NEDD1: variants seen among roughly 807,000 people sequenced by gnomAD.
NEDD1 encodes NEDD1 gamma-tubulin ring complex targeting factor, also known as protein NEDD1.
NEDD1 carries 33 observed loss-of-function variants against 74.0 expected under a neutral mutation model. The ratio of observed to expected loss-of-function variants is 0.45; its 90% CI spans 0.34 to 0.60. The LOEUF (loss-of-function observed/expected upper bound fraction) is 0.60, where lower values mean the gene tolerates loss of function less well. NEDD1 is among the 20% of genes least tolerant of loss of function. The pLI, the probability that NEDD1 is intolerant of heterozygous loss-of-function variation, is 0.01. For missense variants in NEDD1, 746 were observed against 776.5 expected (o/e 0.96, Z 0.47); for synonymous variants, 250 against 264.4 (o/e 0.95, Z 0.53).
intron 4 of NEDD1, among the ~76,000 whole-genome samples, chr12:96,913,750 A>G (rs1874160482): frequency 6.8e-6 from 1 of 147,584 alleles, no homozygotes; most frequent in Admixed American, 6.8e-5. Flanking sequence ...CACTCTTTGA[A>G]AGCTATTTCT....
At chr12:96,947,753 G>T (rs1878335950) in intron 14 of NEDD1, among the ~76,000 whole-genome samples, 1 of 152,146 alleles carries the variant, frequency 6.6e-6, no homozygotes, top group Non-Finnish European at 1.5e-5. Flanking sequence ...TATCTAACCT[G>T]TTCCTGGCTT....
intron 14 of NEDD1, among the ~76,000 whole-genome samples, chr12:96,948,773 T>A (rs1878435857): frequency 6.6e-6 from 1 of 152,188 alleles, no homozygotes. Flanking sequence ...GTGTGTAGTC[T>A]TTTCTAGGAC....
intron 12 of NEDD1, 52 bp from the exon 13 acceptor site, chr12:96,944,587 A>ATT: frequency 8.6e-7 from 1 of 1,158,674 alleles, no homozygotes; most frequent in Non-Finnish European, 1.2e-6. Context: ...TATATGGGTA[A>ATT]TATGAGTAAA....
chr12:96,934,682 C>T (rs1193456314), intron 6 of NEDD1, among the ~76,000 whole-genome samples: 3 of 151,816 alleles, frequency 2.0e-5, no homozygotes, highest in South Asian at 2.1e-4. Flanking sequence ...TAATTACAGG[C>T]GCCTGCCACC....
intron 2 of NEDD1, among the ~76,000 whole-genome samples, chr12:96,909,507 T>C (rs755767876): frequency 2.0e-5 from 3 of 152,030 alleles, no homozygotes; most frequent in Non-Finnish European, 4.4e-5. Context: ...GGCCAGGACA[T>C]GTAAGGCAGG....
At chr12:96,907,501 C>T in intron 1 of NEDD1, 103 bp from the exon 2 acceptor site, 1 of 969,140 alleles carries the variant, frequency 1.0e-6, no homozygotes, top group Non-Finnish European at 1.6e-6. Flanking sequence ...CGGGGTCGCG[C>T]ACCTCCCGGA....
rs140074862 is a variant in NEDD1 at position 96,928,402 on chromosome 12, C to G, written c.490-6574C>G. Reference sequence around the variant, plus strand: ...TATTGTTTTCATAAGTATGTATCTTCTGATTTTTGATTCTTTTCTTTGAGA... The same window carrying G: ...TATTGTTTTCATAAGTATGTATCTTGTGATTTTTGATTCTTTTCTTTGAGA... On this transcript the variant is annotated intron_variant, in intron 6 of 15. Transcript: ENST00000266742. Among the ~76,000 whole-genome samples, 41 of 152,132 alleles carry G rather than the reference C, an allele frequency of 2.7e-4. No individual in the cohort carries two copies. In the East Asian group the frequency reaches 7.1e-3, roughly 26 times the overall value.
At chr12:96,921,464 A>G (rs1381640988) in intron 6 of NEDD1, among the ~76,000 whole-genome samples, 4 of 152,166 alleles carry the variant, frequency 2.6e-5, no homozygotes, top group African/African-American at 9.6e-5. Flanking sequence ...TACAGGTATG[A>G]GCCACTGCAC....
intron 6 of NEDD1, among the ~76,000 whole-genome samples, chr12:96,927,606 A>G (rs1875854913): frequency 6.6e-6 from 1 of 152,204 alleles, no homozygotes; most frequent in South Asian, 2.1e-4. Flanking sequence ...TGATCTTTAA[A>G]TGTAGGTTTT....
At chr12:96,951,062 T>C (rs1439992369) in intron 14 of NEDD1, among the ~76,000 whole-genome samples, 1 of 151,876 alleles carries the variant, frequency 6.6e-6, no homozygotes, top group Non-Finnish European at 1.5e-5. Flanking sequence ...ACAATTTCTA[T>C]ATAAAGGAAT....
chr12:96,920,300 T>C (rs1874930587), intron 6 of NEDD1, among the ~76,000 whole-genome samples, 175 bp downstream of exon 6: 2 of 151,946 alleles, frequency 1.3e-5, no homozygotes, highest in Non-Finnish European at 2.9e-5. Flanking sequence ...ATTATGGTGC[T>C]TATATAAATT....
At chr12:96,920,597 A>G (rs1402819274) in intron 6 of NEDD1, among the ~76,000 whole-genome samples, 5 of 152,170 alleles carry the variant, frequency 3.3e-5, no homozygotes, top group Admixed American at 1.3e-4. Flanking sequence ...CGAAGCTTAT[A>G]TATTTCAGGT....
chr12:96,933,720 T>G (rs867105156), intron 6 of NEDD1, among the ~76,000 whole-genome samples: 1 of 152,146 alleles, frequency 6.6e-6, no homozygotes, highest in Non-Finnish European at 1.5e-5. Flanking sequence ...TTGTTGTTGT[T>G]GAGAGCTAAT....
rs776806657 is a variant in NEDD1, at chr12:96,936,612, C to A, written c.721C>A (p.Leu241Ile). 2.0e-5 allele frequency: 32 copies of A among 1,609,364 alleles called. No homozygotes were observed. In the East Asian group the frequency reaches 5.6e-4, roughly 28 times the overall value. The change falls in exon 8 of 16, where the codon CTA becomes ATA. Residue 241 changes from leucine to isoleucine, a missense_variant and splice_region_variant. Around this residue, in one of 3 missense-constraint regions of NEDD1, gnomAD observed 706 missense variants for 706.7 expected, o/e 1.00. Coordinates refer to ENST00000266742, the MANE Select transcript of NEDD1 (RefSeq NM_152905.4). ...IILYDTSSKK[L>I]VKTLVADTPL... ...CATACTTTGTTCTCCTTTCCAAAGG[C>A]TAGTGAAAACTTTAGTGGCTGACAC...
At chr12:96,945,070 C>T (rs181464568) in intron 13 of NEDD1, among the ~76,000 whole-genome samples, 140 of 152,000 alleles carry the variant, frequency 9.2e-4, no homozygotes, top group South Asian at 1.7e-3. Flanking sequence ...TTATGTAGGA[C>T]CCTTTGAAAA....
rs117217525 is a variant in NEDD1, at chr12:96,940,667, G to C, written c.1246+130G>C. On this transcript the variant is annotated intron_variant, in intron 10 of 15. Transcript: ENST00000266742. ...TTTGCTAATTTTCTCCATCCCTGGG[G>C]TGGTATCTTTTTCTTTGCCCTGATA... The C allele has an allele frequency of 2.2e-4, 118 of 528,138 alleles. 1 individual carries two copies. In the East Asian group the frequency reaches 3.6e-3, roughly 16 times the overall value. The allele number at this position is 528,138 out of a possible 1,614,324, so 32.7% of individuals were successfully genotyped here.
intron 6 of NEDD1, among the ~76,000 whole-genome samples, chr12:96,931,747 T>A (rs889854362): frequency 2.0e-5 from 3 of 151,986 alleles, no homozygotes; most frequent in African/African-American, 7.2e-5. Context: ...CATGGCTGTT[T>A]ATAATGAAGT....
In NEDD1 at chr12:96,917,750, A is replaced by G; in HGVS notation, c.348+13A>G. 1 of 1,543,712 alleles carries G rather than the reference A, an allele frequency of 6.5e-7. No homozygotes were observed. Among genetic ancestry groups the G allele is most frequent in the Non-Finnish European group, 8.6e-7 (1 of 1,157,874 alleles). The stretch of plus-strand genomic sequence containing the variant: ...TCGATCTCTTAAGGTAAGCAATTTA[A>G]AAAAAATCTTCATGAAAAAATGGAT... On this transcript the variant is annotated intron_variant, in intron 5 of 15. Coordinates refer to ENST00000266742, the MANE Select transcript of NEDD1 (RefSeq NM_152905.4).
rs778131604 is a variant in NEDD1 at position 96,937,229 on chromosome 12, C to T, written c.953C>T (p.Pro318Leu). 1 of 1,609,586 alleles carries T rather than the reference C, an allele frequency of 6.2e-7. No homozygotes were observed. The highest frequency in any genetic ancestry group is 8.5e-7 in the Non-Finnish European group (1 of 1,177,660). The change falls in exon 9 of 16, where the codon CCC becomes CTC. Residue 318 changes from proline to leucine, a missense_variant. By Grantham distance (98) the Pro-to-Leu change is moderately conservative. This residue lies in a region of NEDD1 where 706 missense variants were observed against 706.7 expected (regional missense o/e 1.00). Coordinates refer to ENST00000266742, the MANE Select transcript of NEDD1 (RefSeq NM_152905.4). ...SSLNKGCSNKPTTVNKRSVNV... is the reference protein window; with the variant it reads ...SSLNKGCSNKLTTVNKRSVNV... ...TTAAATAAAGGCTGTTCAAATAAGC[C>T]CACAACAGTGAACAAACGAAGTGTT...
Sources: gnomAD v4.1 joint callset for allele counts (sites outside exome capture counted in the v4.1 genomes callset) on GRCh38, gnomAD v4.1.1 for gene constraint, gnomAD v4.1.1 regional missense constraint, MANE v1.5 for transcripts, NCBI Gene and HGNC (gene_info 2026-07-23, HGNC 2026-07-21) for gene names.